The following MED13 variants were observed in gnomAD, a reference collection of about 807,000 sequenced individuals.
The protein encoded by MED13 is mediator of RNA polymerase II transcription subunit 13.
A neutral mutation model predicts 225.2 loss-of-function variants in MED13; 23 were observed. That is an observed-to-expected ratio of 0.10 (90% confidence interval 0.07 to 0.14). The LOEUF is 0.14. MED13 is among the 10% of genes least tolerant of loss of function. The pLI is 1.00. For missense variants in MED13, 2,197 were observed against 2,594.5 expected (o/e 0.85, Z 3.33); for synonymous variants, 942 against 889.2 (o/e 1.06, Z -1.06).
intron 16 of MED13, 85 bp downstream of exon 16, chr17:61,982,113 G>C: frequency 7.6e-7 from 1 of 1,317,958 alleles, no homozygotes. Flanking sequence ...TTTGCCACAT[G>C]GGAAACTGCC....
intron 11 of MED13, among the ~76,000 whole-genome samples, chr17:61,987,363 G>A (rs1037472383): frequency 6.6e-6 from 1 of 152,070 alleles, no homozygotes; most frequent in African/African-American, 2.4e-5. Flanking sequence ...GAACCCAGGA[G>A]GCAGAGGTTG....
At chr17:62,013,924 A>G (rs919339232) in intron 8 of MED13, among the ~76,000 whole-genome samples, 1 of 152,056 alleles carries the variant, frequency 6.6e-6, no homozygotes, top group African/African-American at 2.4e-5. Context: ...CTGTAATCCC[A>G]GCTACTCAGG....
chr17:61,985,851 T>C (rs376314338), intron 12 of MED13, among the ~76,000 whole-genome samples: 1 of 152,328 alleles, frequency 6.6e-6, no homozygotes, highest in East Asian at 1.9e-4. Flanking sequence ...TCACCTTGTT[T>C]TAATAGTCTC....
At chr17:62,049,967 T>C (rs2080941384) in intron 3 of MED13, among the ~76,000 whole-genome samples, 1 of 147,176 alleles carries the variant, frequency 6.8e-6, no homozygotes, top group South Asian at 2.1e-4. Flanking sequence ...TGTGTTTCAA[T>C]ATACTATGGC....
chr17:62,030,186 T>C (rs1765218108), intron 6 of MED13, 173 bp from the exon 7 acceptor site: 2 of 600,346 alleles, frequency 3.3e-6, no homozygotes, highest in Non-Finnish European at 2.7e-6. Context: ...ATTAGGCAAA[T>C]GTGGCAATCA....
At chr17:62,044,465 G>C (rs1004306767) in intron 3 of MED13, among the ~76,000 whole-genome samples, 1 of 152,022 alleles carries the variant, frequency 6.6e-6, no homozygotes, top group African/African-American at 2.4e-5. Flanking sequence ...CACTCTCTAT[G>C]GACTAAGTTT....
rs1315504353 is a variant in MED13 at position 62,018,982 on chromosome 17, C to G, written c.1284-7749G>C. Among the ~76,000 whole-genome samples, 4 of 152,298 alleles carry G rather than the reference C, an allele frequency of 2.6e-5. No individual in the cohort carries two copies. In the East Asian group the frequency reaches 7.7e-4, roughly 29 times the overall value. ...CCATTCAGTTATTAGTGAAGTACAA[C>G]CACTGACAGGGCTTTAGATTCCACA... On this transcript the variant is annotated intron_variant, in intron 8 of 29. Transcript: ENST00000397786.
intron 8 of MED13, among the ~76,000 whole-genome samples, chr17:62,024,023 C>CTT (rs200282637): frequency 0.16 from 24,072 of 148,622 alleles, 2,320 homozygotes; most frequent in East Asian, 0.5. Context: ...TTAAAAATGA[C>CTT]TTTTTTTTTT....
At chr17:61,988,350 T>C (rs938119514) in intron 11 of MED13, among the ~76,000 whole-genome samples, 2 of 152,212 alleles carry the variant, frequency 1.3e-5, no homozygotes, top group African/African-American at 2.4e-5. Flanking sequence ...CCAATTACAA[T>C]GAAAATTAAA....
chr17:62,012,145 G>A (rs967231231), intron 8 of MED13, among the ~76,000 whole-genome samples: 3 of 151,500 alleles, frequency 2.0e-5, no homozygotes, highest in African/African-American at 4.9e-5. Context: ...GAACCCAGGA[G>A]GCAGAGGTTG....
Position 62,063,227 on chromosome 17 carries a change from C to T in MED13, c.141G>A (p.Val47=), listed in dbSNP as rs2081055488. The T allele has an allele frequency of 6.2e-7, 1 of 1,614,050 alleles. No individual in the cohort carries two copies. Among genetic ancestry groups the T allele is most frequent in the Admixed American group, 1.7e-5 (1 of 60,002 alleles). The part of the protein sequence containing the change: ...GPTSAPILFP[V]TEEDPILSSF... ...TGCTCAAAATGGGGTCTTCTTCTGT[C>T]ACAGGAAACAGAATAGGGGCAGAAG... Residue 47 remains valine, a synonymous_variant, in exon 2 of 30, where the codon GTG becomes GTA. Transcript: ENST00000397786.
Position 61,947,006 on chromosome 17 carries a change from G to A in MED13, c.6303C>T (p.His2101=). The stretch of plus-strand genomic sequence containing the variant: ...CAGATTGCACTGAAGGCACGTGGAG[G>A]TGCAAAGAGGCCTAAGAAGGTAACA... ...QCPLFLKASL[H]LHVPSVQSDE... Residue 2101 remains histidine, a synonymous_variant, in exon 29 of 30, where the codon CAC becomes CAT. Transcript: ENST00000397786. The A allele has an allele frequency of 1.2e-6, 2 of 1,613,814 alleles. No homozygotes were observed. The highest frequency in any genetic ancestry group is 1.7e-6 in the Non-Finnish European group (2 of 1,179,764).
At chr17:62,021,246 C>A (rs2080641100) in intron 8 of MED13, among the ~76,000 whole-genome samples, 1 of 151,108 alleles carries the variant, frequency 6.6e-6, no homozygotes, top group Admixed American at 6.6e-5. Context: ...AGGGGCTCCT[C>A]ACTTCCCAGT....
intron 9 of MED13, chr17:62,004,864 A>T (rs1416358792): frequency 6.6e-6 from 1 of 150,954 alleles, no homozygotes; most frequent in African/African-American, 2.4e-5. Context: ...TAAGATTAAG[A>T]TCTTTTAAGG....
At chr17:61,976,285 C>T (rs975267574) in intron 16 of MED13, among the ~76,000 whole-genome samples, 4 of 152,078 alleles carry the variant, frequency 2.6e-5, no homozygotes, top group South Asian at 2.1e-4. Flanking sequence ...TTATGGAAAG[C>T]GAAAAAAGCC....
chr17:62,044,232 TAAA>T (rs202062449), intron 3 of MED13, among the ~76,000 whole-genome samples: 1 of 146,650 alleles, frequency 6.8e-6, no homozygotes, highest in Admixed American at 6.8e-5. Context: ...TTTACTTCCT[TAAA>T]AAAAAAAAAT....
rs574893778 is a variant in MED13, at chr17:62,040,814, C to T, written c.471-5206G>A. Among the ~76,000 whole-genome samples, 18 of 152,124 alleles carry T rather than the reference C, an allele frequency of 1.2e-4. No homozygotes were observed. In the South Asian group the frequency reaches 1.2e-3, roughly 11 times the overall value. On this transcript the variant is annotated intron_variant, in intron 3 of 29. Coordinates refer to ENST00000397786, the MANE Select transcript of MED13 (RefSeq NM_005121.3). ...CACATCACTAATCATTAGGGAAATGCAAACCAAAAACACAGTAAGATACCA... is the reference window on the plus strand; with the variant it reads ...CACATCACTAATCATTAGGGAAATGTAAACCAAAAACACAGTAAGATACCA...
At chr17:61,958,341 T>C (rs1603391480) in intron 23 of MED13, among the ~76,000 whole-genome samples, 1 of 151,664 alleles carries the variant, frequency 6.6e-6, no homozygotes, top group South Asian at 2.1e-4. Flanking sequence ...CTAATTTTTG[T>C]TTTTTGGTTA....
intron 3 of MED13, among the ~76,000 whole-genome samples, chr17:62,039,587 A>ATT (rs57066822): frequency 1.1e-3 from 123 of 109,292 alleles, no homozygotes; most frequent in Non-Finnish European, 1.8e-3. Context: ...CCCAGCCAAG[A>ATT]TTTTTTTTTT....
Sources: allele counts gnomAD v4.1 joint callset (sites outside exome capture counted in the v4.1 genomes callset), GRCh38; gene constraint gnomAD v4.1.1; transcripts MANE v1.5; gene names NCBI Gene and HGNC (gene_info 2026-07-23, HGNC 2026-07-21).